CELF2: variants seen among roughly 807,000 people sequenced by gnomAD.
The protein encoded by CELF2 is CUG triplet repeat RNA-binding protein 2.
A neutral mutation model predicts 62.6 loss-of-function variants in CELF2; 8 were observed. That is an observed-to-expected ratio of 0.13 (90% CI 0.07 to 0.23). CELF2 has a LOEUF of 0.23. CELF2 is among the 10% of genes least tolerant of loss of function. CELF2 has a pLI of 1.00. For synonymous variants in CELF2, 258 were observed against 250.0 expected, an observed-to-expected ratio of 1.03 and a Z score of -0.30; for missense variants, 333 against 671.0, an observed-to-expected ratio of 0.50 and a Z score of 5.56.
upstream of CELF2, chr10:11,005,259 A>C (rs1000472084): frequency 1.3e-6 from 1 of 783,342 alleles, no homozygotes; most frequent in East Asian, 4.9e-5. The surrounding 1 kb of genome is among the most constrained non-coding windows in gnomAD (Gnocchi z 4.3). Context: ...AGAGAGGGAG[A>C]GAGAGAGAGA....
the CELF2 span, among the ~76,000 whole-genome samples, chr10:10,477,478 C>T: frequency 7.9e-5 from 12 of 152,104 alleles, no homozygotes; most frequent in South Asian, 4.1e-4. Flanking sequence ...ATAGAAACAT[C>T]TGGTGGGCAT....
chr10:10,718,936 C>T, the CELF2 span, among the ~76,000 whole-genome samples: 6 of 151,066 alleles, frequency 4.0e-5, no homozygotes, highest in Non-Finnish European at 2.9e-5. Context: ...GCCAGACTAA[C>T]TGTTTTTCTG....
At chr10:10,705,534 TAAAA>T in the CELF2 span, among the ~76,000 whole-genome samples, 1 of 152,154 alleles carries the variant, frequency 6.6e-6, no homozygotes, top group South Asian at 2.1e-4. Context: ...AAATTCCACC[TAAAA>T]TTATACGCAA....
At chr10:10,640,507 C>T in the CELF2 span, among the ~76,000 whole-genome samples, 10 of 152,184 alleles carry the variant, frequency 6.6e-5, no homozygotes, top group African/African-American at 2.4e-4. Context: ...TTGCTCTGCC[C>T]TTCCTTTGGA....
the CELF2 span, among the ~76,000 whole-genome samples, chr10:10,540,323 C>A: frequency 7.2e-5 from 11 of 152,172 alleles, no homozygotes; most frequent in Non-Finnish European, 1.2e-4. Flanking sequence ...CTCCTAGCAC[C>A]CTCATTACCC....
In CELF2 at chr10:11,032,520, TAATGA is replaced by T. The variant is rs776274985; in HGVS notation, c.74+14361_74+14365del. Among the ~76,000 whole-genome samples, 51 of 152,228 alleles carry T rather than the reference TAATGA, an allele frequency of 3.4e-4. 1 individual carries two copies. Among genetic ancestry groups the T allele is most frequent in the Non-Finnish European group, 6.3e-4 (43 of 68,040 alleles). On this transcript the variant is annotated intron_variant, in intron 1 of 12. Transcript: ENST00000633077. ...GCATTTTAAAATCTAAGGAACTGTT[TAATGA>T]AATAGATGTTCCTTGGTTTTGGATG...
chr10:10,564,776 A>T, the CELF2 span, among the ~76,000 whole-genome samples: 1 of 151,964 alleles, frequency 6.6e-6, no homozygotes, highest in Non-Finnish European at 1.5e-5. Context: ...ACAGTGCTCT[A>T]AACAATCTGC....
At chr10:10,971,989 C>T (rs1366728110) in intron 2 of CELF2, among the ~76,000 whole-genome samples, 2 of 152,138 alleles carry the variant, frequency 1.3e-5, no homozygotes, top group Non-Finnish European at 2.9e-5. Context: ...TGTTTTGATA[C>T]ACATATACCA....
chr10:11,323,416 C>A, intron 11 of CELF2, among the ~76,000 whole-genome samples: 1 of 116,144 alleles, frequency 8.6e-6, no homozygotes. Context: ...TGATGCCAGG[C>A]AGAGCAAAAA....
chr10:10,825,934 A>G (rs977509359), intron 1 of CELF2, among the ~76,000 whole-genome samples: 4 of 152,230 alleles, frequency 2.6e-5, no homozygotes, highest in Non-Finnish European at 4.4e-5. Flanking sequence ...TTTAAGAATA[A>G]CAATAATATT....
chr10:10,859,730 CT>C, intron 1 of CELF2, among the ~76,000 whole-genome samples: 1 of 152,158 alleles, frequency 6.6e-6, no homozygotes, highest in East Asian at 1.9e-4. Context: ...TTTTCTGACT[CT>C]TACTAGAATT....
At chr10:10,665,745 T>C in the CELF2 span, among the ~76,000 whole-genome samples, 1 of 152,224 alleles carries the variant, frequency 6.6e-6, no homozygotes, top group African/African-American at 2.4e-5. Context: ...CACTAGGATA[T>C]AGGAATGCTC....
intron 2 of CELF2, among the ~76,000 whole-genome samples, chr10:11,173,236 C>G (rs2069588155): frequency 6.6e-6 from 1 of 152,212 alleles, no homozygotes; most frequent in Non-Finnish European, 1.5e-5. Context: ...GGGACAAGTC[C>G]AGTTTCCTGG....
intron 1 of CELF2, among the ~76,000 whole-genome samples, chr10:11,115,142 G>C (rs775426409): frequency 6.6e-6 from 1 of 152,216 alleles, no homozygotes; most frequent in Non-Finnish European, 1.5e-5. Flanking sequence ...CAGTAGGCAC[G>C]TGAATATCTG....
At chr10:11,107,228 T>G (rs1469623521) in intron 1 of CELF2, among the ~76,000 whole-genome samples, 2 of 152,142 alleles carry the variant, frequency 1.3e-5, no homozygotes, top group African/African-American at 4.8e-5. Flanking sequence ...GTGCTGGTTT[T>G]GGGAAGGGGG....
At position 11,330,004 on chromosome 10, in the gene CELF2, T is replaced by C. The variant is rs563827072; in HGVS notation, c.*951T>C. 6.5e-6 allele frequency: 1 copy of C among 152,792 alleles called. No individual in the cohort carries two copies. The highest frequency in any genetic ancestry group is 2.1e-4 in the South Asian group (1 of 4,830). 9.5% of individuals were successfully genotyped at this position (152,792 alleles called of 1,614,324 possible). ...TGGGTACCTAAAGAGCAGTTCTCTG[T>C]CTAGCTAGAACCTTCTGAAGTAGTC... is the stretch of plus-strand genomic sequence containing the variant. On this transcript the variant is annotated 3_prime_UTR_variant, in exon 13 of 13. Transcript: ENST00000633077. The surrounding 1 kb of genome is among the most constrained non-coding windows in gnomAD (Gnocchi z 4.5).
chr10:10,629,266 G>A, the CELF2 span, among the ~76,000 whole-genome samples: 51,323 of 152,008 alleles, frequency 0.34, 9,956 homozygotes, highest in South Asian at 0.64. Context: ...TTGGGCCTCC[G>A]CCCTGAACAC....
In CELF2 at chr10:11,012,461, T is replaced by G. The variant is rs1197886345; in HGVS notation, c.53+7021T>G. Among the ~76,000 whole-genome samples, 1 of 152,178 alleles carries G rather than the reference T, an allele frequency of 6.6e-6. No individual in the cohort carries two copies. The highest frequency in any genetic ancestry group is 1.5e-5 in the Non-Finnish European group (1 of 68,036). On this transcript the variant is annotated intron_variant, in intron 1 of 12. Transcript: ENST00000416382. This position sits in a 1 kb window ranked among gnomAD's most constrained non-coding sequence, Gnocchi z 5.5. ...ATGCCCAGAGAGATTCCCTCTGAAGTAGAGAATTTGATTCCTGCCAAGATC... is the reference window on the plus strand; with the variant it reads ...ATGCCCAGAGAGATTCCCTCTGAAGGAGAGAATTTGATTCCTGCCAAGATC...
intron 1 of CELF2, among the ~76,000 whole-genome samples, chr10:11,057,751 A>G (rs2065655542): frequency 6.6e-6 from 1 of 152,186 alleles, no homozygotes; most frequent in Admixed American, 6.5e-5. Flanking sequence ...AGGAGTCACA[A>G]AATGTTTTTG....
Sources: gnomAD v4.1 joint callset for allele counts (sites outside exome capture counted in the v4.1 genomes callset) on GRCh38, gnomAD v4.1.1 for gene constraint, Gnocchi (gnomAD v3.1) non-coding constraint, MANE v1.5 for transcripts, NCBI Gene and HGNC (gene_info 2026-07-23, HGNC 2026-07-21) for gene names.